ZNF219: variants seen among roughly 807,000 people sequenced by gnomAD.
The protein encoded by ZNF219 is zinc finger protein 219.
Under a neutral mutation model 54.4 loss-of-function variants are expected in ZNF219, and 17 were observed. The observed-to-expected ratio is 0.31, with a 90% CI of 0.21 to 0.47. The LOEUF is 0.47. ZNF219 is among the 20% of genes least tolerant of loss of function. The pLI is 1.00. For synonymous variants in ZNF219, 518 were observed against 476.4 expected (o/e 1.09, Z -1.14); for missense variants, 1,014 against 1,062.3 (o/e 0.95, Z 0.63).
chr14:21,090,781 C>T lies in ZNF219; in HGVS notation c.1924G>A (p.Gly642Arg). Residue 642 changes from glycine to arginine, a missense_variant, in exon 5 of 5, where the codon GGG becomes AGG. Transcript: ENST00000360947. The surrounding 1 kb of genome is among the most constrained non-coding windows in gnomAD (Gnocchi z 4.4). ...RAGPGGEAGP[G>R]GALHRCLFCP... ...AAGAGGCAGCGGTGGAGGGCACCCC[C>T]AGGCCCGGCCTCGCCTCCCGGCCCT... 6.3e-7 allele frequency: 1 copy of T among 1,594,016 alleles called. No individual in the cohort carries two copies. Among genetic ancestry groups the T allele is most frequent in the Non-Finnish European group, 8.5e-7 (1 of 1,171,100 alleles).
chr14:21,103,387 C>A, upstream of ZNF219: 1 of 1,412,580 alleles, frequency 7.1e-7, no homozygotes, highest in Non-Finnish European at 9.3e-7. Context: ...TTTTTCGTTC[C>A]TTCCCTGTTA....
At chr14:21,104,019 C>T (rs1382422241) in intron 1 of ZNF219, 1 of 152,328 alleles carries the variant, frequency 6.6e-6, no homozygotes, top group African/African-American at 2.4e-5. Flanking sequence ...AGTCCTGAGA[C>T]TTGGAGCGCG....
rs1889008922 is a variant in ZNF219, at chr14:21,092,617, G to A, written c.680C>T (p.Pro227Leu). 3.9e-6 allele frequency: 6 copies of A among 1,553,732 alleles called. No homozygotes were observed. The highest frequency in any genetic ancestry group is 2.4e-5 in the East Asian group (1 of 42,284). Residue 227 changes from proline to leucine, a missense_variant, in exon 3 of 5, where the codon CCG (proline) becomes CTG (leucine). Transcript: ENST00000360947. Reference protein sequence around the residue: ...RPLAATSAAPPPQPQPQPPPQ... With the variant: ...RPLAATSAAPLPQPQPQPPPQ... ...TGGAGGCTGAGGCTGAGGCTGAGGCGGAGGCGCAGCGGAGGTGGCCGCCAG... is the reference window on the plus strand; with the variant it reads ...TGGAGGCTGAGGCTGAGGCTGAGGCAGAGGCGCAGCGGAGGTGGCCGCCAG...
At chr14:21,103,133 T>C, upstream of ZNF219, 1 of 1,551,700 alleles carries the variant, frequency 6.4e-7, no homozygotes, top group Non-Finnish European at 8.7e-7. Flanking sequence ...TGTCTCTGGT[T>C]TTCAGGGCTT....
Position 21,091,481 on chromosome 14 carries a change from C to T in ZNF219, c.1494G>A (p.Lys498=). ...RPEGGRGATG[K]DCPFCGKSFR... is the part of the protein sequence containing the mutation. ...AAGATTTTCCGCAGAAAGGACAATC[C>T]TTGCCGGTGGCGCCCCGGCCCCCTT... is the stretch of plus-strand genomic sequence containing the variant. Residue 498 remains lysine, a synonymous_variant, in exon 4 of 5, where the codon AAG becomes AAA. Transcript: ENST00000360947. 1.2e-6 allele frequency: 2 copies of T among 1,610,304 alleles called. No homozygotes were observed. Among genetic ancestry groups the T allele is most frequent in the South Asian group, 1.1e-5 (1 of 91,030 alleles).
At chr14:21,096,687 C>G (rs1454091546) in intron 1 of ZNF219, among the ~76,000 whole-genome samples, 1 of 152,184 alleles carries the variant, frequency 6.6e-6, no homozygotes, top group African/African-American at 2.4e-5. Flanking sequence ...ATATCAGAAA[C>G]CTTTCAAAAG....
chr14:21,093,620 G>C lies in ZNF219; in HGVS notation c.-29C>G. On this transcript the variant is annotated 5_prime_UTR_variant, in exon 2 of 5. Coordinates refer to ENST00000360947, the MANE Select transcript of ZNF219 (RefSeq NM_016423.3). ...CCCCCTTCACATTCTTTGGTTCTGG[G>C]AAGTGCAGGGAAGAGGAGGAAAAGC... is the stretch of plus-strand genomic sequence containing the variant. 6.2e-7 allele frequency: 1 copy of C among 1,614,146 alleles called. No individual in the cohort carries two copies. The highest frequency in any genetic ancestry group is 8.5e-7 in the Non-Finnish European group (1 of 1,180,014).
Position 21,092,046 on chromosome 14 carries a change from C to T in ZNF219, c.1251G>A (p.Arg417=), listed in dbSNP as rs1888938883. The change falls in exon 3 of 5, where the codon CGG becomes CGA. Residue 417 remains arginine, a synonymous_variant. Coordinates refer to ENST00000360947, the MANE Select transcript of ZNF219 (RefSeq NM_016423.3). ...GCTCCTCCGCACGGTGCCGGCGAGCCCGGGCCGGGAGAGCAGAGGACAGCG... is the reference window on the plus strand; with the variant it reads ...GCTCCTCCGCACGGTGCCGGCGAGCTCGGGCCGGGAGAGCAGAGGACAGCG... The part of the protein sequence containing the change: ...FRPLSSALPA[R]ARRHRAEEPE... 1.3e-6 allele frequency: 2 copies of T among 1,546,188 alleles called. No homozygotes were observed. The highest frequency in any genetic ancestry group is 1.7e-6 in the Non-Finnish European group (2 of 1,145,594).
In ZNF219 at chr14:21,091,551, C is replaced by G; in HGVS notation, c.1433-9G>C. The G allele has an allele frequency of 6.3e-7, 1 of 1,591,592 alleles. No homozygotes were observed. The highest frequency in any genetic ancestry group is 1.3e-5 in the African/African-American group (1 of 74,618). ...CAACAGCCCATTCTCTTCTGCAACA[C>G]ATACGTTAAGAGGAAGTCAGGGGGG... On this transcript the variant is annotated splice_polypyrimidine_tract_variant and intron_variant, in intron 3 of 4. Coordinates refer to ENST00000360947, the MANE Select transcript of ZNF219 (RefSeq NM_016423.3).
In ZNF219 at chr14:21,090,308, G is replaced by A. The variant is rs2139285826; in HGVS notation, c.*228C>T. ...CCTTCTCTGCCAGCCCAGGGACCCC[G>A]TTCTTTGACCCTCACCTCTGCCACT... On this transcript the variant is annotated 3_prime_UTR_variant, in exon 5 of 5. Coordinates refer to ENST00000360947, the MANE Select transcript of ZNF219 (RefSeq NM_016423.3). This position sits in a 1 kb window ranked among gnomAD's most constrained non-coding sequence, Gnocchi z 4.4. The A allele has an allele frequency of 1.4e-6, 1 of 712,780 alleles. No homozygotes were observed. Among genetic ancestry groups the A allele is most frequent in the Non-Finnish European group, 2.5e-6 (1 of 397,060 alleles). 44.2% of individuals were successfully genotyped at this position (712,780 alleles called of 1,614,324 possible). A position where few individuals can be genotyped will look rare whatever the true frequency, so the allele number is the denominator to read the frequency against.
Position 21,092,808 on chromosome 14 carries a change from GA to G in ZNF219, c.488del (p.Phe163SerfsTer47). 1 of 1,578,124 alleles carries G rather than the reference GA, an allele frequency of 6.3e-7. No homozygotes were observed. The highest frequency in any genetic ancestry group is 1.2e-5 in the South Asian group (1 of 85,310). On this transcript the variant is annotated frameshift_variant, in exon 3 of 5. Transcript: ENST00000360947. LOFTEE classifies it high-confidence loss of function. ...ACTTGCCTTTGCAGTAGGGGCAACGGAAGGCGGACGATGAAGGAGCCTGGGG... is the reference window on the plus strand; with the variant it reads ...ACTTGCCTTTGCAGTAGGGGCAACGGAGGCGGACGATGAAGGAGCCTGGGG... ...ARPQAPSSSA[F>X]RCPYCKGKFR...
intron 4 of ZNF219, 35 bp downstream of exon 4, chr14:21,091,376 A>C (rs778195190): frequency 8.2e-6 from 13 of 1,577,886 alleles, no homozygotes; most frequent in Non-Finnish European, 1.0e-5. Flanking sequence ...GCCCGCCCCC[A>C]GTCCCCTCTC....
In ZNF219 at chr14:21,093,298, G is replaced by T. The variant is rs745825083; in HGVS notation, c.7-8C>A. On this transcript the variant is annotated splice_region_variant and splice_polypyrimidine_tract_variant and intron_variant, in intron 2 of 4. Transcript: ENST00000360947. Reference sequence around the variant, plus strand: ...GGCGCGGGGACGTGAGCCCTGTGGAGAAAGATCTGCGTAGAGCAAAGGGTG... The same window carrying T: ...GGCGCGGGGACGTGAGCCCTGTGGATAAAGATCTGCGTAGAGCAAAGGGTG... The T allele has an allele frequency of 6.4e-7, 1 of 1,568,952 alleles. No homozygotes were observed. The highest frequency in any genetic ancestry group is 1.8e-5 in the Admixed American group (1 of 54,448).
rs545964123 is a variant in ZNF219 at position 21,093,453 on chromosome 14, G to A, written c.6+133C>T. 122 of 1,425,190 alleles carry A rather than the reference G, an allele frequency of 8.6e-5. No homozygotes were observed. In the South Asian group the frequency reaches 1.3e-3, roughly 15 times the overall value. The allele number at this position is 1,425,190 out of a possible 1,614,324, so 88.3% of individuals were successfully genotyped here. A position where few individuals can be genotyped will look rare whatever the true frequency, so the allele number is the denominator to read the frequency against. ...CCTCGGGAAGATGGGGTGGGGGGAG[G>A]TGTATGGGAATCGAGATGTCAGGGC... On this transcript the variant is annotated intron_variant, in intron 2 of 4. Coordinates refer to ENST00000360947, the MANE Select transcript of ZNF219 (RefSeq NM_016423.3).
In ZNF219 at chr14:21,090,547, GC is replaced by G; in HGVS notation, c.2157del (p.Gln720LysfsTer28). 1.9e-6 allele frequency: 3 copies of G among 1,594,620 alleles called. No homozygotes were observed. Among genetic ancestry groups the G allele is most frequent in the Admixed American group, 1.7e-5 (1 of 58,542 alleles). ...LSRPGEAGLGGQER is the reference protein window; with the variant it reads ...LSRPGEAGLGXQER ...CCCCTGAGGGCCCACTACCGTTCTTGCCCCCCCAGCCCTGCCTCTCCGGGTC... is the reference window on the plus strand; with the variant it reads ...CCCCTGAGGGCCCACTACCGTTCTTGCCCCCCAGCCCTGCCTCTCCGGGTC... On this transcript the variant is annotated frameshift_variant, in exon 5 of 5. Transcript: ENST00000360947. LOFTEE classifies it high-confidence loss of function. This position sits in a 1 kb window ranked among gnomAD's most constrained non-coding sequence, Gnocchi z 4.4.
chr14:21,092,588 G>C lies in ZNF219; in HGVS notation c.709C>G (p.Gln237Glu), dbSNP rs1043153374. Residue 237 changes from glutamine (Q) to glutamate (E), a missense_variant, in exon 3 of 5, where the codon CAG becomes GAG. Gln to Glu is a conservative substitution (Grantham distance 29, BLOSUM62 2). Coordinates refer to ENST00000360947, the MANE Select transcript of ZNF219 (RefSeq NM_016423.3). The stretch of plus-strand genomic sequence containing the variant: ...TGGGGGACTGATCTGGGTTCGGGCT[G>C]GGGTGGAGGCTGAGGCTGAGGCTGA... ...PPQPQPQPPPQPEPRSVPQPE... is the reference protein window; with the variant it reads ...PPQPQPQPPPEPEPRSVPQPE... The C allele has an allele frequency of 1.9e-5, 29 of 1,542,810 alleles. No homozygotes were observed. Among genetic ancestry groups the C allele is most frequent in the Non-Finnish European group, 2.5e-5 (29 of 1,146,052 alleles).
upstream of ZNF219, chr14:21,103,955 TG>T: frequency 6.6e-6 from 1 of 152,368 alleles, no homozygotes; most frequent in African/African-American, 2.4e-5. Flanking sequence ...TTGGCAGAGC[TG>T]GGGCTTCCCA....
rs1889441810 is a variant in ZNF219 at position 21,098,495 on chromosome 14, G to C, written c.-267C>G. 3.5e-5 allele frequency: 34 copies of C among 982,840 alleles called. No individual in the cohort carries two copies. The highest frequency in any genetic ancestry group is 4.1e-5 in the Non-Finnish European group (34 of 828,718). 60.9% of individuals were successfully genotyped at this position (982,840 alleles called of 1,614,324 possible). ...CCCGCCCCCGGCCCTGGCCCGCATT[G>C]TGTGCGGCGGGAGGCGGCCCGGCCA... On this transcript the variant is annotated 5_prime_UTR_variant, in exon 1 of 5. Transcript: ENST00000360947.
intron 1 of ZNF219, among the ~76,000 whole-genome samples, chr14:21,097,038 G>T (rs1566553465): frequency 6.6e-6 from 1 of 152,184 alleles, no homozygotes; most frequent in Non-Finnish European, 1.5e-5. Flanking sequence ...ACTAGATGGG[G>T]TTAAAAGGAA....
Sources: gnomAD v4.1 joint callset for allele counts (sites outside exome capture counted in the v4.1 genomes callset) on GRCh38, gnomAD v4.1.1 for gene constraint, Gnocchi (gnomAD v3.1) non-coding constraint, MANE v1.5 for transcripts, NCBI Gene and HGNC (gene_info 2026-07-23, HGNC 2026-07-21) for gene names.